Variants in RORA observed in about 807,000 individuals in gnomAD.
RORA encodes the protein nuclear receptor ROR-alpha.
A neutral mutation model predicts 69.5 loss-of-function variants in RORA; 7 were observed. The observed-to-expected ratio is 0.10, with a 90% CI of 0.06 to 0.19. The LOEUF (loss-of-function observed/expected upper bound fraction) is 0.19, where lower values mean the gene tolerates loss of function less well. Ranked by LOEUF, RORA falls within the 10% of genes least tolerant of loss-of-function variation. RORA has a pLI of 1.00. For synonymous variants in RORA, 261 were observed against 240.8 expected (o/e 1.08, Z -0.78); for missense variants, 457 against 663.0 (o/e 0.69, Z 3.41).
At chr15:60,847,481 G>A (rs11635577) in intron 1 of RORA, among the ~76,000 whole-genome samples, 18,819 of 151,962 alleles carry the variant, frequency 0.12, 1,388 homozygotes, top group Admixed American at 0.22. Flanking sequence ...CATATGTTCC[G>A]TGACAATGCA....
intron 1 of RORA, among the ~76,000 whole-genome samples, chr15:61,044,959 G>A (rs1896953358): frequency 6.6e-6 from 1 of 152,198 alleles, no homozygotes; most frequent in Non-Finnish European, 1.5e-5. Context: ...GTTATGTCTA[G>A]GAAGCTGCTG....
At chr15:61,109,920 C>A (rs2078987524) in intron 1 of RORA, among the ~76,000 whole-genome samples, 1 of 152,088 alleles carries the variant, frequency 6.6e-6, no homozygotes, top group South Asian at 2.1e-4. Flanking sequence ...GTCATGTGTC[C>A]CATAAAGACA....
intron 2 of RORA, among the ~76,000 whole-genome samples, chr15:60,565,042 T>C (rs1462596713): frequency 2.6e-5 from 4 of 152,086 alleles, no homozygotes; most frequent in Non-Finnish European, 5.9e-5. Context: ...AGACAGAGTG[T>C]TCCTGAAACA....
rs59042428 is a variant in RORA at position 60,561,056 on chromosome 15, GTTTT to G, written c.197-29209_197-29206del. On this transcript the variant is annotated intron_variant, in intron 2 of 10. Coordinates refer to ENST00000335670, the MANE Select transcript of RORA (RefSeq NM_134261.3). Reference sequence around the variant, plus strand: ...TTATACATGGGAAGTTTTAACTTGTGTTTTTTTTTTTTTTGTTTTGTTTTTGTTT... The same window carrying G: ...TTATACATGGGAAGTTTTAACTTGTGTTTTTTTTTTGTTTTGTTTTTGTTT... Among the ~76,000 whole-genome samples the G allele has an allele frequency of 5.3e-3, 636 of 119,726 alleles. 9 individuals are homozygous for G. Among genetic ancestry groups the G allele is most frequent in the African/African-American group, 0.02 (606 of 29,754 alleles). The allele number at this position is 119,726 out of a possible 152,430, so 78.5% of individuals were successfully genotyped here. A position where few individuals can be genotyped will look rare whatever the true frequency, so the allele number is the denominator to read the frequency against.
chr15:60,840,225 C>T (rs2073177675), intron 1 of RORA, among the ~76,000 whole-genome samples: 1 of 152,150 alleles, frequency 6.6e-6, no homozygotes, highest in African/African-American at 2.4e-5. Flanking sequence ...CTTGGGTGGT[C>T]CACTTTTGAC....
Position 60,511,467 on chromosome 15 carries a change from C to T in RORA, c.579G>A (p.Leu193=). 1 of 1,614,158 alleles carries T rather than the reference C, an allele frequency of 6.2e-7. No homozygotes were observed. Among genetic ancestry groups the T allele is most frequent in the Non-Finnish European group, 8.5e-7 (1 of 1,180,028 alleles). The change falls in exon 5 of 11, where the codon CTG becomes CTA. Residue 193 remains leucine (L), a synonymous_variant. Coordinates refer to ENST00000335670, the MANE Select transcript of RORA (RefSeq NM_134261.3). The surrounding 1 kb of genome is among the most constrained non-coding windows in gnomAD (Gnocchi z 6.4). Reference sequence around the variant, plus strand: ...TACTGAGGTCGTCGTGAAGTTCCGTCAGCCCGTTGGCCGAGATGTTGTAGG... The same window carrying T: ...TACTGAGGTCGTCGTGAAGTTCCGTTAGCCCGTTGGCCGAGATGTTGTAGG... ...TPTYNISANG[L]TELHDDLSNY...
At chr15:61,191,390 T>C (rs2140915459) in intron 1 of RORA, among the ~76,000 whole-genome samples, 1 of 148,092 alleles carries the variant, frequency 6.8e-6, no homozygotes, top group South Asian at 2.1e-4. Context: ...AAGAAAGAAA[T>C]CAGTTCTGAT....
chr15:60,979,022 T>G, intron 1 of RORA, among the ~76,000 whole-genome samples: 1 of 133,224 alleles, frequency 7.5e-6, no homozygotes, highest in East Asian at 2.5e-4. Flanking sequence ...AGTGCAGTGG[T>G]GCGATCTCAG....
chr15:60,785,334 T>C (rs2072320047), intron 1 of RORA, among the ~76,000 whole-genome samples: 2 of 152,154 alleles, frequency 1.3e-5, no homozygotes, highest in Admixed American at 1.3e-4. Flanking sequence ...AGGTCACTGA[T>C]GGAAACAAAG....
intron 1 of RORA, among the ~76,000 whole-genome samples, chr15:61,202,657 G>A (rs923115996): frequency 6.6e-6 from 1 of 152,028 alleles, no homozygotes; most frequent in Non-Finnish European, 1.5e-5. Context: ...CCTATTTTAA[G>A]AGTACCCTTG....
At chr15:60,932,101 G>A (rs1222946978) in intron 1 of RORA, among the ~76,000 whole-genome samples, 1 of 151,984 alleles carries the variant, frequency 6.6e-6, no homozygotes, top group East Asian at 1.9e-4. Context: ...ATAACAAGCA[G>A]TATCAATGTC....
intron 2 of RORA, among the ~76,000 whole-genome samples, chr15:60,582,398 G>A (rs1009987170): frequency 4.6e-5 from 7 of 152,148 alleles, no homozygotes; most frequent in African/African-American, 1.7e-4. Flanking sequence ...TTCATAGAAC[G>A]GTAGAGATGG....
At chr15:61,126,054 T>C (rs191631293) in intron 1 of RORA, among the ~76,000 whole-genome samples, 2 of 152,322 alleles carry the variant, frequency 1.3e-5, no homozygotes, top group Admixed American at 6.5e-5. Context: ...TAAGGAGCAA[T>C]GGGAAGAATT....
chr15:60,906,164 A>T (rs1423872021), intron 1 of RORA, among the ~76,000 whole-genome samples: 2 of 152,212 alleles, frequency 1.3e-5, no homozygotes, highest in Non-Finnish European at 2.9e-5. Flanking sequence ...TCTTCTTCTG[A>T]CAGATTAGGC....
chr15:60,578,236 A>C (rs999867080), intron 2 of RORA, among the ~76,000 whole-genome samples: 3 of 152,222 alleles, frequency 2.0e-5, no homozygotes, highest in African/African-American at 7.2e-5. Flanking sequence ...CTTGGAAACT[A>C]CTGGTTCACT....
At chr15:60,980,538 T>A (rs1589703) in intron 1 of RORA, among the ~76,000 whole-genome samples, 1 of 151,918 alleles carries the variant, frequency 6.6e-6, no homozygotes, top group Admixed American at 6.5e-5. Context: ...AGTTTTTTCT[T>A]GCTAACTCAA....
At chr15:60,522,164 CAT>C (rs1275048322) in intron 3 of RORA, among the ~76,000 whole-genome samples, 2 of 152,128 alleles carry the variant, frequency 1.3e-5, no homozygotes, top group Non-Finnish European at 2.9e-5. Context: ...GCATTCCTGA[CAT>C]AAAAAATTAA....
chr15:61,046,689 C>T (rs1420285477), intron 1 of RORA, among the ~76,000 whole-genome samples: 1 of 152,164 alleles, frequency 6.6e-6, no homozygotes, highest in Non-Finnish European at 1.5e-5. Flanking sequence ...TGGAATATTA[C>T]ACAGCAGGAT....
chr15:61,036,583 G>C (rs957931441), intron 1 of RORA, among the ~76,000 whole-genome samples: 1 of 152,030 alleles, frequency 6.6e-6, no homozygotes, highest in Non-Finnish European at 1.5e-5. Flanking sequence ...AAACATCTTT[G>C]ATGAGTTCTC....
Sources: gnomAD v4.1 joint callset for allele counts (sites outside exome capture counted in the v4.1 genomes callset) on GRCh38, gnomAD v4.1.1 for gene constraint, Gnocchi (gnomAD v3.1) non-coding constraint, MANE v1.5 for transcripts, NCBI Gene and HGNC (gene_info 2026-07-23, HGNC 2026-07-21) for gene names.